The following PIEZO2 variants were observed in gnomAD, a reference collection of about 807,000 sequenced individuals.
The protein encoded by PIEZO2 is piezo type mechanosensitive ion channel component 2.
PIEZO2 carries 172 observed loss-of-function variants against 337.3 expected under a neutral mutation model. That is an observed-to-expected ratio of 0.51 (90% CI 0.45 to 0.58). The LOEUF (loss-of-function observed/expected upper bound fraction) is 0.58. PIEZO2 is among the 20% of genes least tolerant of loss of function. The probability of loss-of-function intolerance (pLI) is 0.00; values close to 1 mark genes in which losing one functional copy is unlikely to be tolerated. For synonymous variants in PIEZO2, 1,251 were observed against 1,228.5 expected, an observed-to-expected ratio of 1.02 and a Z score of -0.38; for missense variants, 3,028 against 3,391.3, an observed-to-expected ratio of 0.89 and a Z score of 2.66.
chr18:10,936,569 ATTC>A (rs2032411755), intron 3 of PIEZO2, among the ~76,000 whole-genome samples: 1 of 152,100 alleles, frequency 6.6e-6, no homozygotes, highest in East Asian at 1.9e-4. Flanking sequence ...TAGTTGGCTA[ATTC>A]TTCTGGATGG....
chr18:10,931,520 G>C (rs1005763087), intron 3 of PIEZO2, among the ~76,000 whole-genome samples: 1 of 152,164 alleles, frequency 6.6e-6, no homozygotes, highest in African/African-American at 2.4e-5. Context: ...AATTTTAATA[G>C]ACTCTAGAAC....
At chr18:11,103,214 G>T (rs1001511857) in intron 1 of PIEZO2, among the ~76,000 whole-genome samples, 5 of 152,204 alleles carry the variant, frequency 3.3e-5, no homozygotes, top group Non-Finnish European at 5.9e-5. Context: ...TTGTGTGTTA[G>T]TAATTGATGC....
rs1222620336 is a variant in PIEZO2, at chr18:10,828,138, T to G, written c.918-20864A>C. 5.6e-5 allele frequency among the ~76,000 whole-genome samples: 5 copies of G among 89,030 alleles called. No homozygotes were observed. The highest frequency in any genetic ancestry group is 8.3e-5 in the Non-Finnish European group (4 of 48,230). 58.4% of individuals were successfully genotyped at this position (89,030 alleles called of 152,430 possible). Reference sequence around the variant, plus strand: ...ACGGTTTTTTTTTGTTTGTTTGTTTTTGTTTTTTTTTTTTTTTACAGTAAA... The same window carrying G: ...ACGGTTTTTTTTTGTTTGTTTGTTTGTGTTTTTTTTTTTTTTTACAGTAAA... On this transcript the variant is annotated intron_variant, in intron 7 of 55. Coordinates refer to ENST00000674853, the MANE Select transcript of PIEZO2 (RefSeq NM_001378183.1). This position sits in a 1 kb window ranked among gnomAD's most constrained non-coding sequence, Gnocchi z 4.1.
At chr18:10,807,343 T>A in intron 7 of PIEZO2, 69 bp from the exon 8 acceptor site, 3 of 1,411,184 alleles carry the variant, frequency 2.1e-6, no homozygotes, top group Non-Finnish European at 2.8e-6. Flanking sequence ...TGAATAAAAG[T>A]ACTTTGTTTT....
chr18:10,935,859 C>T (rs2032363967), intron 3 of PIEZO2, among the ~76,000 whole-genome samples: 1 of 152,220 alleles, frequency 6.6e-6, no homozygotes, highest in Admixed American at 6.5e-5. Flanking sequence ...ACCTTCCTCA[C>T]GTGCAGCTTT....
chr18:10,676,951 C>T lies in PIEZO2; in HGVS notation c.8081+796G>A, dbSNP rs996890988. 6.6e-6 allele frequency among the ~76,000 whole-genome samples: 1 copy of T among 152,194 alleles called. No homozygotes were observed. Among genetic ancestry groups the T allele is most frequent in the Non-Finnish European group, 1.5e-5 (1 of 68,032 alleles). On this transcript the variant is annotated intron_variant, in intron 53 of 55. Transcript: ENST00000674853. This position sits in a 1 kb window ranked among gnomAD's most constrained non-coding sequence, Gnocchi z 5.1. ...GCAGGGAGAATGCGATACCACTGGG[C>T]ACATACTATGTTGGGCCATATGAAC...
At position 10,861,493 on chromosome 18, in the gene PIEZO2, A is replaced by G. The variant is rs1205761333; in HGVS notation, c.493-4282T>C. On this transcript the variant is annotated intron_variant, in intron 5 of 55. Transcript: ENST00000674853. The surrounding 1 kb of genome is among the most constrained non-coding windows in gnomAD (Gnocchi z 4.3). ...AAAGAAGAATATGCTAATTGAAATA[A>G]GCCAGGCACAGAAAGACAAATACGG... Among the ~76,000 whole-genome samples the G allele has an allele frequency of 1.3e-5, 2 of 152,262 alleles. No individual in the cohort carries two copies. The highest frequency in any genetic ancestry group is 1.3e-4 in the Admixed American group (2 of 15,288).
At chr18:10,762,402 G>A in intron 23 of PIEZO2, 98 bp downstream of exon 23, 1 of 1,382,052 alleles carries the variant, frequency 7.2e-7, no homozygotes, top group Non-Finnish European at 9.6e-7. Context: ...AGAAGATATG[G>A]TTACTATCAA....
At position 11,028,274 on chromosome 18, in the gene PIEZO2, A is replaced by G. The variant is rs1235645435; in HGVS notation, c.160+37853T>C. Among the ~76,000 whole-genome samples the G allele has an allele frequency of 7.1e-6, 1 of 140,392 alleles. No homozygotes were observed. Among genetic ancestry groups the G allele is most frequent in the South Asian group, 2.2e-4 (1 of 4,468 alleles). The allele number at this position is 140,392 out of a possible 152,430, so 92.1% of individuals were successfully genotyped here. A position where few individuals can be genotyped will look rare whatever the true frequency, so the allele number is the denominator to read the frequency against. ...TCTTTATTTTTTATTATTTTTTTTT[A>G]TTTTTTGAGACAGAGTCACTTTGTT... On this transcript the variant is annotated intron_variant, in intron 2 of 55. Coordinates refer to ENST00000674853, the MANE Select transcript of PIEZO2 (RefSeq NM_001378183.1). This position sits in a 1 kb window ranked among gnomAD's most constrained non-coding sequence, Gnocchi z 4.8.
intron 13 of PIEZO2, 40 bp from the exon 14 acceptor site, chr18:10,791,364 A>G: frequency 2.1e-6 from 3 of 1,454,600 alleles, no homozygotes; most frequent in Non-Finnish European, 2.7e-6. Flanking sequence ...TTAAGCAACC[A>G]TTTGGAATGT....
rs146323162 is a variant in PIEZO2 at position 10,945,339 on chromosome 18, C to T, written c.287-34111G>A. ...GGATTACAGATGTGAGCCACTGCAC[C>T]TGGCTGAAACTCTCTAAAAGACCCT... On this transcript the variant is annotated intron_variant, in intron 3 of 55. Transcript: ENST00000674853. This position sits in a 1 kb window ranked among gnomAD's most constrained non-coding sequence, Gnocchi z 4.0. Among the ~76,000 whole-genome samples, 31 of 152,230 alleles carry T rather than the reference C, an allele frequency of 2.0e-4. No individual in the cohort carries two copies. The South Asian group carries it at 4.1e-3, about 20-fold the overall frequency.
chr18:11,064,860 C>T (rs11874598), intron 2 of PIEZO2, among the ~76,000 whole-genome samples: 73,895 of 152,072 alleles, frequency 0.49, 21,012 homozygotes, highest in East Asian at 0.96. Flanking sequence ...AGCTCCACAC[C>T]GTAGAATAGT....
At position 10,760,801 on chromosome 18, in the gene PIEZO2, G is replaced by A. The variant is rs971193062; in HGVS notation, c.3450+110C>T. On this transcript the variant is annotated intron_variant, in intron 24 of 55. Coordinates refer to ENST00000674853, the MANE Select transcript of PIEZO2 (RefSeq NM_001378183.1). ...ACTTTCTGTTCTTCTCAAGGGGACA[G>A]CTATCATGCCTGCAGATGTATCACA... The A allele has an allele frequency of 3.1e-5, 27 of 862,710 alleles. No individual in the cohort carries two copies. The South Asian group carries it at 4.3e-4, about 14-fold the overall frequency. 53.4% of individuals were successfully genotyped at this position (862,710 alleles called of 1,614,324 possible).
chr18:10,730,183 T>C (rs1289160701), intron 36 of PIEZO2, among the ~76,000 whole-genome samples: 1 of 152,220 alleles, frequency 6.6e-6, no homozygotes, highest in Non-Finnish European at 1.5e-5. Context: ...GACACACAAC[T>C]CTTCAAAGTA....
chr18:10,703,840 G>C (rs746729421), intron 42 of PIEZO2, among the ~76,000 whole-genome samples: 1 of 152,164 alleles, frequency 6.6e-6, no homozygotes, highest in South Asian at 2.1e-4. Context: ...GATGCTAAGC[G>C]GGTGCTTGTA....
rs2034696013 is a variant in PIEZO2, at chr18:10,982,257, A to G, written c.161-2597T>C. The stretch of plus-strand genomic sequence containing the variant: ...GGGACAGGACTAATAAGATAGATGC[A>G]TATATCAAAGGGAGTTTATTAAGGA... On this transcript the variant is annotated intron_variant, in intron 2 of 55. Coordinates refer to ENST00000674853, the MANE Select transcript of PIEZO2 (RefSeq NM_001378183.1). The surrounding 1 kb of genome is among the most constrained non-coding windows in gnomAD (Gnocchi z 4.1). Among the ~76,000 whole-genome samples the G allele has an allele frequency of 1.3e-5, 2 of 152,216 alleles. No individual in the cohort carries two copies. Among genetic ancestry groups the G allele is most frequent in the Non-Finnish European group, 2.9e-5 (2 of 68,034 alleles).
intron 8 of PIEZO2, among the ~76,000 whole-genome samples, chr18:10,806,301 C>T (rs985884950): frequency 1.3e-5 from 2 of 152,182 alleles, no homozygotes; most frequent in Non-Finnish European, 2.9e-5. Context: ...GTCTACACAG[C>T]TTGTCTCCTT....
intron 36 of PIEZO2, among the ~76,000 whole-genome samples, chr18:10,723,810 G>T (rs1263608414): frequency 2.0e-5 from 3 of 152,186 alleles, no homozygotes; most frequent in Admixed American, 6.5e-5. Context: ...GCTTGGATTT[G>T]CTGAAGCTTC....
chr18:10,780,966 A>C (rs1034444857), intron 17 of PIEZO2, among the ~76,000 whole-genome samples: 2 of 151,850 alleles, frequency 1.3e-5, no homozygotes, highest in African/African-American at 4.8e-5. Flanking sequence ...CCTGGCCTCA[A>C]GGTACATTTT....
Sources: allele counts gnomAD v4.1 joint callset (sites outside exome capture counted in the v4.1 genomes callset), GRCh38; gene constraint gnomAD v4.1.1; non-coding constraint Gnocchi (gnomAD v3.1); transcripts MANE v1.5; gene names NCBI Gene and HGNC (gene_info 2026-07-23, HGNC 2026-07-21).